WDR70: variants seen among roughly 807,000 people sequenced by gnomAD.
WDR70 encodes the protein WD repeat domain 70.
Under a neutral mutation model 88.6 loss-of-function variants are expected in WDR70, and 53 were observed. The ratio of observed to expected loss-of-function variants is 0.60; its 90% CI spans 0.48 to 0.75. WDR70 has a LOEUF of 0.75. Ranked by LOEUF, WDR70 falls within the 30% of genes least tolerant of loss-of-function variation. WDR70 has a pLI of 0.00. For missense variants in WDR70, 610 were observed against 823.2 expected (o/e 0.74, Z 3.17); for synonymous variants, 280 against 270.0 (o/e 1.04, Z -0.36).
At chr5:37,589,249 T>TACACACACAC (rs57446016) in intron 9 of WDR70, among the ~76,000 whole-genome samples, 3,891 of 140,114 alleles carry the variant, frequency 0.028, 90 homozygotes, top group East Asian at 0.11. Flanking sequence ...CCTACACACA[T>TACACACACAC]ACACACACAC....
intron 10 of WDR70, among the ~76,000 whole-genome samples, chr5:37,641,875 A>C (rs11742904): frequency 0.47 from 71,038 of 152,012 alleles, 18,151 homozygotes; most frequent in Non-Finnish European, 0.58. Flanking sequence ...GTAGTAGCAT[A>C]TTTTATATAC....
chr5:37,465,792 T>C (rs1308020204), intron 7 of WDR70, among the ~76,000 whole-genome samples: 1 of 34,512 alleles, frequency 2.9e-5, no homozygotes, highest in African/African-American at 1.0e-4. Flanking sequence ...ATTAAAAAAA[T>C]TTCTAAACTT....
intron 10 of WDR70, among the ~76,000 whole-genome samples, chr5:37,692,453 G>A (rs1039977473): frequency 3.3e-5 from 5 of 152,192 alleles, no homozygotes; most frequent in Admixed American, 1.3e-4. Context: ...GAACGTTGAT[G>A]CAAAAATCCT....
chr5:37,416,425 G>A (rs1028819037), intron 5 of WDR70, among the ~76,000 whole-genome samples: 1 of 152,092 alleles, frequency 6.6e-6, no homozygotes, highest in African/African-American at 2.4e-5. Flanking sequence ...AGGAGAATCA[G>A]GCAGGGAGGT....
intron 8 of WDR70, among the ~76,000 whole-genome samples, chr5:37,481,323 C>A (rs1489448101): frequency 2.0e-5 from 3 of 151,082 alleles, no homozygotes; most frequent in African/African-American, 7.4e-5. Flanking sequence ...AGAGGTTATC[C>A]ATGAGGGCCC....
chr5:37,406,713 A>T (rs12651717), intron 5 of WDR70, among the ~76,000 whole-genome samples: 1 of 152,100 alleles, frequency 6.6e-6, no homozygotes, highest in East Asian at 1.9e-4. Context: ...CAAAAGAGGA[A>T]TTGAAAAACA....
intron 7 of WDR70, among the ~76,000 whole-genome samples, chr5:37,449,590 C>CAAAAAAAAAAAAAAAA (rs376148041): frequency 4.7e-5 from 4 of 85,712 alleles, no homozygotes; most frequent in African/African-American, 1.7e-4. Context: ...AATTTTGTCT[C>CAAAAAAAAAAAAAAAA]AAAAAAAAAA....
intron 5 of WDR70, among the ~76,000 whole-genome samples, chr5:37,413,576 C>G (rs963382509): frequency 6.6e-6 from 1 of 151,928 alleles, no homozygotes; most frequent in African/African-American, 2.4e-5. Context: ...GAAAAATTAC[C>G]TGGGCATGGT....
chr5:37,636,401 C>A (rs1399175525), intron 10 of WDR70, among the ~76,000 whole-genome samples: 1 of 152,084 alleles, frequency 6.6e-6, no homozygotes, highest in Non-Finnish European at 1.5e-5. Context: ...TTATTGTAAT[C>A]AGGAATCATT....
chr5:37,498,708 T>TA (rs1740304519), intron 8 of WDR70, among the ~76,000 whole-genome samples: 1 of 152,234 alleles, frequency 6.6e-6, no homozygotes, highest in African/African-American at 2.4e-5. Flanking sequence ...ACCTGTAAGT[T>TA]AAACTTGACT....
intron 17 of WDR70, among the ~76,000 whole-genome samples, chr5:37,728,102 C>T (rs986723882): frequency 6.6e-6 from 1 of 151,952 alleles, no homozygotes. Context: ...AATCCCGACA[C>T]TTTGGGTGGC....
intron 10 of WDR70, among the ~76,000 whole-genome samples, chr5:37,694,657 A>T (rs1040347877): frequency 8.6e-5 from 13 of 151,842 alleles, no homozygotes; most frequent in Non-Finnish European, 1.8e-4. Flanking sequence ...GAGAACATGT[A>T]GACACAGGGC....
At chr5:37,607,917 G>A (rs1299703234) in intron 10 of WDR70, among the ~76,000 whole-genome samples, 1 of 152,134 alleles carries the variant, frequency 6.6e-6, no homozygotes, top group Non-Finnish European at 1.5e-5. Flanking sequence ...CAACAGCAAG[G>A]CATCTATTGC....
At chr5:37,677,997 G>C (rs1746291762) in intron 10 of WDR70, among the ~76,000 whole-genome samples, 2 of 152,092 alleles carry the variant, frequency 1.3e-5, no homozygotes, top group Non-Finnish European at 2.9e-5. Context: ...GGCCTTCTTT[G>C]TCTCTTTTGA....
At chr5:37,399,825 AG>A (rs1749141054) in intron 5 of WDR70, among the ~76,000 whole-genome samples, 2 of 152,206 alleles carry the variant, frequency 1.3e-5, no homozygotes, top group African/African-American at 4.8e-5. Flanking sequence ...AACAGTGTGT[AG>A]AGACCCGAGT....
At chr5:37,469,423 G>C (rs1369258348) in intron 7 of WDR70, among the ~76,000 whole-genome samples, 1 of 152,162 alleles carries the variant, frequency 6.6e-6, no homozygotes, top group African/African-American at 2.4e-5. Flanking sequence ...TTGGAACTTT[G>C]AATATACAAC....
At chr5:37,565,180 C>T (rs797004059) in intron 9 of WDR70, among the ~76,000 whole-genome samples, 6 of 152,204 alleles carry the variant, frequency 3.9e-5, no homozygotes, top group East Asian at 3.9e-4. Context: ...TAAGAAGGAA[C>T]TGTTAATATT....
chr5:37,648,071 T>G (rs575563849), intron 10 of WDR70, among the ~76,000 whole-genome samples: 2 of 152,302 alleles, frequency 1.3e-5, no homozygotes, highest in Admixed American at 1.3e-4. Context: ...CCAAGCCATA[T>G]TAGGTGTTAT....
rs1742662249 is a variant in WDR70, at chr5:37,564,268, C to A, written c.918-40796C>A. ...ACTGAGTGAACGCGACTCCGTCTGCCATCCCGGCACCTCGGGAGGCCGAGG... is the reference window on the plus strand; with the variant it reads ...ACTGAGTGAACGCGACTCCGTCTGCAATCCCGGCACCTCGGGAGGCCGAGG... On this transcript the variant is annotated intron_variant, in intron 9 of 17. Transcript: ENST00000265107. Among the ~76,000 whole-genome samples, 3 of 152,320 alleles carry A rather than the reference C, an allele frequency of 2.0e-5. No homozygotes were observed. In the South Asian group the frequency reaches 6.2e-4, roughly 32 times the overall value.
Sources: gnomAD v4.1 joint callset for allele counts (sites outside exome capture counted in the v4.1 genomes callset) on GRCh38, gnomAD v4.1.1 for gene constraint, MANE v1.5 for transcripts, NCBI Gene and HGNC (gene_info 2026-07-23, HGNC 2026-07-21) for gene names.